Variants in ROR1 observed in about 807,000 individuals in gnomAD.
The protein encoded by ROR1 is ROR family WNT receptor 1.
Under a neutral mutation model 78.8 loss-of-function variants are expected in ROR1, and 19 were observed. That is an observed-to-expected ratio of 0.24 (90% confidence interval 0.17 to 0.35). ROR1 has a LOEUF of 0.35. Ranked by LOEUF, ROR1 falls within the 10% of genes least tolerant of loss-of-function variation. The probability of loss-of-function intolerance (pLI) is 1.00; values close to 1 mark genes in which losing one functional copy is unlikely to be tolerated. For synonymous variants in ROR1, 386 were observed against 433.6 expected, an observed-to-expected ratio of 0.89 and a Z score of 1.36; for missense variants, 917 against 1,177.8, an observed-to-expected ratio of 0.78 and a Z score of 3.24.
At chr1:64,075,371 G>A (rs1003213245) in intron 4 of ROR1, among the ~76,000 whole-genome samples, 1 of 152,090 alleles carries the variant, frequency 6.6e-6, no homozygotes, top group African/African-American at 2.4e-5. Context: ...GTGTGATCTG[G>A]GGCAAGTTAC....
At chr1:64,049,003 ATAAC>A (rs1339485962) in intron 2 of ROR1, among the ~76,000 whole-genome samples, 25 of 152,358 alleles carry the variant, frequency 1.6e-4, no homozygotes, top group Admixed American at 1.6e-3. Flanking sequence ...ATAGAACTGT[ATAAC>A]TAAGATCTGT....
intron 4 of ROR1, among the ~76,000 whole-genome samples, chr1:64,086,333 A>G (rs532300668): frequency 1.3e-5 from 2 of 152,350 alleles, no homozygotes; most frequent in South Asian, 4.1e-4. Flanking sequence ...TTCCAAGTCC[A>G]GGTCTTTTCA....
chr1:64,080,729 G>A (rs766075398), intron 4 of ROR1, among the ~76,000 whole-genome samples: 14 of 152,184 alleles, frequency 9.2e-5, no homozygotes, highest in South Asian at 2.1e-4. Context: ...CCAAGAGTAC[G>A]GATGGAGGAC....
intron 4 of ROR1, among the ~76,000 whole-genome samples, chr1:64,090,544 C>G (rs1380815626): frequency 6.6e-6 from 1 of 152,190 alleles, no homozygotes; most frequent in Non-Finnish European, 1.5e-5. Flanking sequence ...ATGCTGTCAT[C>G]AGAGTACAGG....
chr1:64,075,485 G>A (rs1286944145), intron 4 of ROR1, among the ~76,000 whole-genome samples: 1 of 152,148 alleles, frequency 6.6e-6, no homozygotes, highest in Non-Finnish European at 1.5e-5. Context: ...GTTTAAGAGT[G>A]ATAATTCATG....
At chr1:64,141,515 G>A (rs988027108) in intron 6 of ROR1, among the ~76,000 whole-genome samples, 1 of 152,076 alleles carries the variant, frequency 6.6e-6, no homozygotes, top group African/African-American at 2.4e-5. Context: ...CAACCCTGGG[G>A]ATTGCAATTC....
At chr1:63,778,359 C>T (rs1031696993) in intron 1 of ROR1, among the ~76,000 whole-genome samples, 10 of 152,156 alleles carry the variant, frequency 6.6e-5, no homozygotes, top group South Asian at 2.1e-4. Context: ...AACCTCTGAA[C>T]GATAGGAACT....
In ROR1 at chr1:63,971,854, C is replaced by T. The variant is rs116637480; in HGVS notation, c.92-37451C>T. On this transcript the variant is annotated intron_variant, in intron 1 of 8. Coordinates refer to ENST00000371079, the MANE Select transcript of ROR1 (RefSeq NM_005012.4). The stretch of plus-strand genomic sequence containing the variant: ...GTCAGCAGATGATAAAGCCCTTGTC[C>T]TCGGTCTTGCTCATGCCAGCAGTTG... 2.1e-3 allele frequency among the ~76,000 whole-genome samples: 315 copies of T among 152,232 alleles called. 1 individual carries two copies. The highest frequency in any genetic ancestry group is 7.2e-3 in the African/African-American group (300 of 41,536).
In ROR1 at chr1:64,145,119, T is replaced by C. The variant is rs565526622; in HGVS notation, c.1174+2469T>C. On this transcript the variant is annotated intron_variant, in intron 7 of 8. Coordinates refer to ENST00000371079, the MANE Select transcript of ROR1 (RefSeq NM_005012.4). ...AGATAAATCGATTCGAATTATCACATAGTCAACATATGTAAATAAATGCTT... is the reference window on the plus strand; with the variant it reads ...AGATAAATCGATTCGAATTATCACACAGTCAACATATGTAAATAAATGCTT... Among the ~76,000 whole-genome samples, 28 of 152,292 alleles carry C rather than the reference T, an allele frequency of 1.8e-4. No individual in the cohort carries two copies. The South Asian group carries it at 4.8e-3, about 26-fold the overall frequency.
At chr1:63,919,729 C>T (rs908797627) in intron 1 of ROR1, among the ~76,000 whole-genome samples, 7 of 152,014 alleles carry the variant, frequency 4.6e-5, no homozygotes, top group African/African-American at 1.2e-4. Flanking sequence ...ATAATAGTGC[C>T]GCCGTCATCA....
At chr1:63,992,023 T>C (rs903407652) in intron 1 of ROR1, among the ~76,000 whole-genome samples, 4 of 152,118 alleles carry the variant, frequency 2.6e-5, no homozygotes, top group Admixed American at 2.6e-4. Context: ...TGACCTTATA[T>C]TTTAACATTG....
chr1:64,088,373 G>A (rs7528243), intron 4 of ROR1, among the ~76,000 whole-genome samples: 22,683 of 152,030 alleles, frequency 0.15, 1,779 homozygotes, highest in Middle Eastern at 0.2. Context: ...ACTGGTCCAA[G>A]GATAGGCAGA....
intron 1 of ROR1, among the ~76,000 whole-genome samples, chr1:63,859,597 C>T (rs543750639): frequency 6.6e-6 from 1 of 152,276 alleles, no homozygotes; most frequent in East Asian, 1.9e-4. Context: ...AAGCTTGGAG[C>T]TTGTGTATAA....
chr1:63,963,350 C>T (rs1273086814), intron 1 of ROR1, among the ~76,000 whole-genome samples: 2 of 131,446 alleles, frequency 1.5e-5, no homozygotes, highest in South Asian at 4.5e-4. Flanking sequence ...GGTGGATCAC[C>T]TGAGGTCGGG....
chr1:64,161,635 A>G (rs1040896808), intron 8 of ROR1, among the ~76,000 whole-genome samples: 2 of 152,224 alleles, frequency 1.3e-5, no homozygotes, highest in African/African-American at 4.8e-5. Context: ...TGAAGTAAAC[A>G]TTGTTTTCAT....
At chr1:63,921,926 G>A (rs376999859) in intron 1 of ROR1, among the ~76,000 whole-genome samples, 2 of 152,230 alleles carry the variant, frequency 1.3e-5, no homozygotes, top group East Asian at 3.9e-4. Context: ...AAAAAATATA[G>A]AGTCTGTCTT....
At position 63,979,497 on chromosome 1, in the gene ROR1, C is replaced by T. The variant is rs146710557; in HGVS notation, c.92-29808C>T. ...GGGCCATCCTGCCAGAAGCTGTGGCCATAAAGGAATAGACCTACTGCCAAA... is the reference window on the plus strand; with the variant it reads ...GGGCCATCCTGCCAGAAGCTGTGGCTATAAAGGAATAGACCTACTGCCAAA... On this transcript the variant is annotated intron_variant, in intron 1 of 8. Coordinates refer to ENST00000371079, the MANE Select transcript of ROR1 (RefSeq NM_005012.4). 9.8e-4 allele frequency among the ~76,000 whole-genome samples: 149 copies of T among 152,092 alleles called. 1 individual carries two copies. The East Asian group carries it at 0.018, about 18-fold the overall frequency.
intron 1 of ROR1, among the ~76,000 whole-genome samples, chr1:63,918,119 T>C (rs1365986885): frequency 2.0e-5 from 3 of 152,228 alleles, no homozygotes. Flanking sequence ...CCCCGGCACC[T>C]GCCGTAAACC....
chr1:63,871,916 G>T (rs189315568), intron 1 of ROR1, among the ~76,000 whole-genome samples: 38 of 152,260 alleles, frequency 2.5e-4, no homozygotes, highest in African/African-American at 8.4e-4. Context: ...CTTAGCTGGG[G>T]TCTCTTAACC....
Sources: allele counts gnomAD v4.1 joint callset (sites outside exome capture counted in the v4.1 genomes callset), GRCh38; gene constraint gnomAD v4.1.1; transcripts MANE v1.5; gene names NCBI Gene and HGNC (gene_info 2026-07-23, HGNC 2026-07-21).